LRFN2: variants seen among roughly 807,000 people sequenced by gnomAD.
LRFN2 encodes the protein leucine-rich repeat and fibronectin type-III domain-containing protein 2.
A neutral mutation model predicts 37.3 loss-of-function variants in LRFN2; 18 were observed. The observed-to-expected ratio is 0.48, with a 90% CI of 0.33 to 0.72. The LOEUF (loss-of-function observed/expected upper bound fraction) is 0.72. Ranked by LOEUF, LRFN2 falls within the 30% of genes least tolerant of loss-of-function variation. The pLI, the probability that LRFN2 is intolerant of heterozygous loss-of-function variation, is 0.02. For synonymous variants in LRFN2, 556 were observed against 466.6 expected (o/e 1.19, Z -2.47); for missense variants, 1,006 against 1,060.7 (o/e 0.95, Z 0.72).
intron 1 of LRFN2, among the ~76,000 whole-genome samples, chr6:40,443,645 A>G (rs1163037746): frequency 2.6e-5 from 4 of 152,148 alleles, no homozygotes; most frequent in African/African-American, 4.8e-5. Flanking sequence ...CTGTCCCTGC[A>G]GTTCTGGGGA....
intron 2 of LRFN2, among the ~76,000 whole-genome samples, chr6:40,396,686 CTGTGTG>C (rs3997706): frequency 0.15 from 19,621 of 134,992 alleles, 1,262 homozygotes; most frequent in Middle Eastern, 0.16. Flanking sequence ...TTCCTCTGCT[CTGTGTG>C]TGTGTGTGTG....
At chr6:40,581,143 G>A (rs1230508512) in intron 1 of LRFN2, among the ~76,000 whole-genome samples, 4 of 152,184 alleles carry the variant, frequency 2.6e-5, no homozygotes, top group African/African-American at 9.7e-5. Context: ...TCATAGACTA[G>A]TCAGGAGCAC....
Position 40,550,139 on chromosome 6 carries a change from C to G in LRFN2, c.-19+36802G>C, listed in dbSNP as rs184945268. Among the ~76,000 whole-genome samples the G allele has an allele frequency of 9.2e-5, 14 of 152,298 alleles. No homozygotes were observed. In the East Asian group the frequency reaches 2.7e-3, roughly 29 times the overall value. On this transcript the variant is annotated intron_variant, in intron 1 of 2. Coordinates refer to ENST00000338305, the MANE Select transcript of LRFN2 (RefSeq NM_020737.3). Reference sequence around the variant, plus strand: ...GTGCAGCTGCGGCACAGCCAGTAAGCAAACGGCAGTGGTAATGCCCTATCC... The same window carrying G: ...GTGCAGCTGCGGCACAGCCAGTAAGGAAACGGCAGTGGTAATGCCCTATCC...
At chr6:40,417,717 A>G (rs780126302) in intron 2 of LRFN2, among the ~76,000 whole-genome samples, 12 of 152,280 alleles carry the variant, frequency 7.9e-5, no homozygotes, top group South Asian at 2.1e-4. Flanking sequence ...CATAGGCCCA[A>G]GGATTCTGCC....
chr6:40,518,910 G>A (rs938728052), intron 1 of LRFN2, among the ~76,000 whole-genome samples: 1 of 152,164 alleles, frequency 6.6e-6, no homozygotes. Context: ...GGGCGAGGGG[G>A]TTCCAGGCAG....
intron 1 of LRFN2, among the ~76,000 whole-genome samples, chr6:40,569,736 C>A (rs751838525): frequency 2.0e-5 from 3 of 152,166 alleles, no homozygotes; most frequent in Non-Finnish European, 4.4e-5. Flanking sequence ...ATTTCACTCG[C>A]AGTAATCCAT....
chr6:40,420,020 C>T (rs890757656), intron 2 of LRFN2, among the ~76,000 whole-genome samples: 2 of 152,162 alleles, frequency 1.3e-5, no homozygotes, highest in Admixed American at 6.5e-5. Context: ...CATTTCCTGC[C>T]GCTCACCTCC....
intron 2 of LRFN2, among the ~76,000 whole-genome samples, chr6:40,427,693 G>C (rs1426763548): frequency 6.6e-6 from 1 of 152,156 alleles, no homozygotes; most frequent in East Asian, 1.9e-4. Context: ...AGTTGTATAG[G>C]GACTCCATGT....
rs1581670057 is a variant in LRFN2, at chr6:40,392,384, T to C, written c.1929A>G (p.Pro643=). 1 of 1,587,604 alleles carries C rather than the reference T, an allele frequency of 6.3e-7. No individual in the cohort carries two copies. Among genetic ancestry groups the C allele is most frequent in the Non-Finnish European group, 8.6e-7 (1 of 1,167,476 alleles). The change falls in exon 3 of 3, where the codon CCA becomes CCG. Residue 643 remains proline (P), a synonymous_variant. Transcript: ENST00000338305. The surrounding 1 kb of genome is among the most constrained non-coding windows in gnomAD (Gnocchi z 4.7). ...TGGGCTTGGGGCGCGGGGCGGAGGG[T>C]GGGATCCTCCAGGGGGCCCGTCCCA... ...AGLGRAPWRI[P]PSAPRPKPSL... is the part of the protein sequence containing the mutation.
chr6:40,473,070 A>C (rs1764635958), intron 1 of LRFN2, among the ~76,000 whole-genome samples: 1 of 152,054 alleles, frequency 6.6e-6, no homozygotes, highest in Non-Finnish European at 1.5e-5. Context: ...TCCAGCTCAC[A>C]TCTCTTCTCC....
chr6:40,406,428 T>C (rs7773882), intron 2 of LRFN2, among the ~76,000 whole-genome samples: 109 of 152,326 alleles, frequency 7.2e-4, no homozygotes, highest in African/African-American at 2.5e-3. Flanking sequence ...GCCTGCCCGC[T>C]GATCCAGGCA....
At chr6:40,506,488 C>T (rs1561884946) in intron 1 of LRFN2, among the ~76,000 whole-genome samples, 1 of 152,126 alleles carries the variant, frequency 6.6e-6, no homozygotes, top group Non-Finnish European at 1.5e-5. Context: ...AGAACTGTGA[C>T]GCTAGGAGTG....
At position 40,471,688 on chromosome 6, in the gene LRFN2, T is replaced by A. The variant is rs77332858; in HGVS notation, c.-18-38557A>T. ...GGAATGAGTTAATACTGCAAGTACCTGTTCATTCTGATTGCACAACCAGAA... is the reference window on the plus strand; with the variant it reads ...GGAATGAGTTAATACTGCAAGTACCAGTTCATTCTGATTGCACAACCAGAA... On this transcript the variant is annotated intron_variant, in intron 1 of 2. Coordinates refer to ENST00000338305, the MANE Select transcript of LRFN2 (RefSeq NM_020737.3). Among the ~76,000 whole-genome samples, 599 of 152,322 alleles carry A rather than the reference T, an allele frequency of 3.9e-3. 10 individuals carry two copies. The highest frequency in any genetic ancestry group is 0.036 in the East Asian group (186 of 5,178).
chr6:40,457,637 TAAAAAAAAAAAAAA>T lies in LRFN2; in HGVS notation c.-18-24520_-18-24507del, dbSNP rs70984171. 1.2e-3 allele frequency among the ~76,000 whole-genome samples: 123 copies of T among 101,402 alleles called. 4 individuals are homozygous for T. Among genetic ancestry groups the T allele is most frequent in the Non-Finnish European group, 3.5e-4 (18 of 51,604 alleles). 66.5% of individuals were successfully genotyped at this position (101,402 alleles called of 152,430 possible). A position where few individuals can be genotyped will look rare whatever the true frequency, so the allele number is the denominator to read the frequency against. ...CTAGGCAACAAAGAAAGACCCTGTT[TAAAAAAAAAAAAAA>T]AAAAAAAAGAGAGGGAGAGAAAGGA... On this transcript the variant is annotated intron_variant, in intron 1 of 2. Coordinates refer to ENST00000338305, the MANE Select transcript of LRFN2 (RefSeq NM_020737.3).
intron 1 of LRFN2, among the ~76,000 whole-genome samples, chr6:40,539,367 G>C (rs75310375): frequency 0.014 from 2,073 of 152,292 alleles, 37 homozygotes; most frequent in African/African-American, 0.035. Flanking sequence ...AGCTGACAAG[G>C]GTTCAGCGTA....
Position 40,431,754 on chromosome 6 carries a change from G to A in LRFN2, c.1360C>T (p.Leu454=), listed in dbSNP as rs1234451475. ...TCATCGTCAGAGCAGTTGTACTGCA[G>A]CTGGTACATCTTCACCCGGGGTGCT... ...KSAPRVKMYQ[L]QYNCSDDEVL... is the part of the protein sequence containing the mutation. Residue 454 remains leucine (L), a synonymous_variant, in exon 2 of 3, where the codon CTG becomes TTG. Transcript: ENST00000338305. 1 of 1,523,374 alleles carries A rather than the reference G, an allele frequency of 6.6e-7. No homozygotes were observed. Among genetic ancestry groups the A allele is most frequent in the Non-Finnish European group, 8.8e-7 (1 of 1,136,072 alleles). 94.4% of individuals were successfully genotyped at this position (1,523,374 alleles called of 1,614,324 possible).
At chr6:40,566,509 A>T (rs1383528831) in intron 1 of LRFN2, among the ~76,000 whole-genome samples, 1 of 152,094 alleles carries the variant, frequency 6.6e-6, no homozygotes, top group Non-Finnish European at 1.5e-5. Context: ...GATAGACTGG[A>T]TTAAGAAAAT....
intron 1 of LRFN2, among the ~76,000 whole-genome samples, chr6:40,483,416 G>A (rs913240098): frequency 1.4e-4 from 22 of 152,168 alleles, no homozygotes; most frequent in African/African-American, 5.1e-4. Flanking sequence ...GTGCTTCCTG[G>A]GGTCACAGCA....
intron 1 of LRFN2, among the ~76,000 whole-genome samples, chr6:40,579,857 T>A (rs1581804669): frequency 6.6e-6 from 1 of 151,938 alleles, no homozygotes; most frequent in African/African-American, 2.4e-5. Context: ...GGCATTCAAT[T>A]AATGCTTGCT....
Sources: gnomAD v4.1 joint callset for allele counts (sites outside exome capture counted in the v4.1 genomes callset) on GRCh38, gnomAD v4.1.1 for gene constraint, Gnocchi (gnomAD v3.1) non-coding constraint, MANE v1.5 for transcripts, NCBI Gene and HGNC (gene_info 2026-07-23, HGNC 2026-07-21) for gene names.